Variants in EFCAB11 observed in about 807,000 individuals in gnomAD.
The protein encoded by EFCAB11 is EF-hand calcium binding domain 11.
In EFCAB11, 14 loss-of-function variants were observed where a neutral mutation model predicts 23.0. The ratio of observed to expected loss-of-function variants is 0.61; its 90% CI spans 0.40 to 0.95. The LOEUF (loss-of-function observed/expected upper bound fraction) is 0.95, where lower values mean the gene tolerates loss of function less well. EFCAB11 is among the 40% of genes least tolerant of loss of function. The pLI is 0.00. For missense variants in EFCAB11, 198 were observed against 195.8 expected (o/e 1.01, Z -0.07); for synonymous variants, 65 against 66.6 (o/e 0.98, Z 0.11).
intron 5 of EFCAB11, among the ~76,000 whole-genome samples, chr14:89,814,572 T>C (rs1426055832): frequency 6.6e-6 from 1 of 151,822 alleles, no homozygotes; most frequent in African/African-American, 2.4e-5. Context: ...GGCGTGGTGG[T>C]GCATGCCTGT....
chr14:89,823,248 G>C (rs1266287778), intron 5 of EFCAB11, among the ~76,000 whole-genome samples: 3 of 152,220 alleles, frequency 2.0e-5, no homozygotes, highest in Non-Finnish European at 2.9e-5. Flanking sequence ...ACCAGGGCCA[G>C]AGAGTAGACC....
chr14:89,853,293 G>A (rs760899565), intron 5 of EFCAB11, among the ~76,000 whole-genome samples: 33 of 152,124 alleles, frequency 2.2e-4, no homozygotes, highest in African/African-American at 6.0e-4. Flanking sequence ...TGGACTGCTC[G>A]GCAAAGGGTC....
In EFCAB11 at chr14:89,847,741, CAAAAAAA is replaced by C. The variant is rs561016492; in HGVS notation, c.411-50424_411-50418del. Among the ~76,000 whole-genome samples the C allele has an allele frequency of 1.2e-4, 11 of 92,090 alleles. No individual in the cohort carries two copies. The East Asian group carries it at 3.4e-3, about 28-fold the overall frequency. 60.4% of individuals were successfully genotyped at this position (92,090 alleles called of 152,430 possible). A position where few individuals can be genotyped will look rare whatever the true frequency, so the allele number is the denominator to read the frequency against. ...GAAACAAGAGAGAAACTCTGTCTCA[CAAAAAAA>C]AAAAAAAAAAAGAAAGAAAGAAAGA... On this transcript the variant is annotated intron_variant, in intron 5 of 5. Transcript: ENST00000316738.
At chr14:89,946,198 G>A (rs1890978375) in intron 3 of EFCAB11, among the ~76,000 whole-genome samples, 1 of 152,152 alleles carries the variant, frequency 6.6e-6, no homozygotes. Flanking sequence ...ACAGGCTTGA[G>A]TCATGGCACC....
rs189691795 is a variant in EFCAB11, at chr14:89,873,151, C to T, written c.410+58390G>A. On this transcript the variant is annotated intron_variant, in intron 5 of 5. Transcript: ENST00000316738. ...CAGTTCCACATGGCTGGGGAGGCCT[C>T]GTAATCATGGTGGAAGGTGAAGGAG... is the stretch of plus-strand genomic sequence containing the variant. Among the ~76,000 whole-genome samples, 12 of 152,216 alleles carry T rather than the reference C, an allele frequency of 7.9e-5. No homozygotes were observed. In the East Asian group the frequency reaches 1.2e-3, roughly 15 times the overall value.
intron 5 of EFCAB11, among the ~76,000 whole-genome samples, chr14:89,876,256 G>C (rs1217864994): frequency 6.6e-6 from 1 of 152,152 alleles, no homozygotes; most frequent in African/African-American, 2.4e-5. Context: ...GGTGGTCGAG[G>C]AGGAGGGAGA....
intron 3 of EFCAB11, among the ~76,000 whole-genome samples, chr14:89,943,806 T>C (rs1890875043): frequency 6.6e-6 from 1 of 152,174 alleles, no homozygotes; most frequent in Admixed American, 6.5e-5. Context: ...TGAATGTTTG[T>C]GGTCTTGAGT....
chr14:89,814,639 G>A (rs1467850061), intron 5 of EFCAB11, among the ~76,000 whole-genome samples: 1 of 151,986 alleles, frequency 6.6e-6, no homozygotes, highest in East Asian at 1.9e-4. Context: ...GGGAGGTGGA[G>A]GTTGTGGTGA....
chr14:89,944,562 G>A (rs976891824), intron 3 of EFCAB11, among the ~76,000 whole-genome samples: 1 of 152,028 alleles, frequency 6.6e-6, no homozygotes, highest in Non-Finnish European at 1.5e-5. Flanking sequence ...AAAGAATGTG[G>A]GAAATCCTTT....
chr14:89,924,300 C>T, intron 5 of EFCAB11: 1 of 1,039,084 alleles, frequency 9.6e-7, no homozygotes, highest in Non-Finnish European at 1.2e-6. Context: ...CTTTAAACGT[C>T]TCCAGTCATG....
chr14:89,931,431 T>C lies in EFCAB11; in HGVS notation c.410+110A>G, dbSNP rs998847661. 2.4e-5 allele frequency: 24 copies of C among 1,003,478 alleles called. No individual in the cohort carries two copies. The South Asian group carries it at 3.3e-4, about 14-fold the overall frequency. The allele number at this position is 1,003,478 out of a possible 1,614,324, so 62.2% of individuals were successfully genotyped here. On this transcript the variant is annotated intron_variant, in intron 5 of 5. Coordinates refer to ENST00000316738, the MANE Select transcript of EFCAB11 (RefSeq NM_145231.4). ...ATGACACTATGCTGCAAGAGAAAAA[T>C]GTTCCAGACTCAAAAATCAGAATAA...
chr14:89,876,588 T>C (rs80232681), intron 5 of EFCAB11, among the ~76,000 whole-genome samples: 198 of 152,252 alleles, frequency 1.3e-3, no homozygotes, highest in African/African-American at 4.6e-3. Flanking sequence ...CAGATTACAT[T>C]TGTTTGATAT....
At chr14:89,885,773 AAGAAAGAG>A (rs1265484395) in intron 5 of EFCAB11, among the ~76,000 whole-genome samples, 23 of 150,938 alleles carry the variant, frequency 1.5e-4, no homozygotes, top group Non-Finnish European at 2.5e-4. Context: ...GAAAGAAAGA[AAGAAAGAG>A]AGAAAGAAAG....
intron 5 of EFCAB11, among the ~76,000 whole-genome samples, chr14:89,824,530 C>G (rs1886628962): frequency 6.6e-6 from 1 of 151,744 alleles, no homozygotes; most frequent in Non-Finnish European, 1.5e-5. Flanking sequence ...GACTTAGACC[C>G]AATGATATAA....
intron 5 of EFCAB11, among the ~76,000 whole-genome samples, chr14:89,847,242 C>T (rs1344876278): frequency 2.0e-5 from 3 of 152,254 alleles, no homozygotes; most frequent in Middle Eastern, 3.4e-3. Context: ...TGCTAATCAT[C>T]CCCTCTTTCT....
chr14:89,882,230 T>C (rs888079714), intron 5 of EFCAB11, among the ~76,000 whole-genome samples: 4 of 152,246 alleles, frequency 2.6e-5, no homozygotes. Context: ...CAATGCATTA[T>C]AAACTCTTCA....
At chr14:89,919,373 G>C (rs911869899) in intron 5 of EFCAB11, among the ~76,000 whole-genome samples, 1 of 152,180 alleles carries the variant, frequency 6.6e-6, no homozygotes, top group African/African-American at 2.4e-5. Context: ...CTGCAGTATG[G>C]GTCAGAACAA....
intron 5 of EFCAB11, among the ~76,000 whole-genome samples, chr14:89,906,909 ATT>A (rs1388750376): frequency 6.6e-6 from 1 of 152,124 alleles, no homozygotes; most frequent in Non-Finnish European, 1.5e-5. Flanking sequence ...AAACCAAATT[ATT>A]TTTTCTTCTC....
chr14:89,924,370 T>C, intron 5 of EFCAB11: 2 of 1,168,210 alleles, frequency 1.7e-6, no homozygotes, highest in Non-Finnish European at 2.1e-6. Context: ...AATCTGCCTG[T>C]GCACTCAGGA....
Sources: allele counts gnomAD v4.1 joint callset (sites outside exome capture counted in the v4.1 genomes callset), GRCh38; gene constraint gnomAD v4.1.1; transcripts MANE v1.5; gene names NCBI Gene and HGNC (gene_info 2026-07-23, HGNC 2026-07-21).